The following PTPRJ variants were observed in gnomAD, a reference collection of about 807,000 sequenced individuals.
PTPRJ encodes protein tyrosine phosphatase receptor type J.
In PTPRJ, 129 loss-of-function variants were observed where a neutral mutation model predicts 141.3. The observed-to-expected ratio is 0.91, with a 90% CI of 0.79 to 1.06. The LOEUF is 1.06. Ranked by LOEUF, PTPRJ falls within the 50% of genes least tolerant of loss-of-function variation. The probability of loss-of-function intolerance (pLI) is 0.00; values close to 1 mark genes in which losing one functional copy is unlikely to be tolerated. For missense variants in PTPRJ, 1,601 were observed against 1,679.7 expected (o/e 0.95, Z 0.82); for synonymous variants, 610 against 640.5 (o/e 0.95, Z 0.72).
In PTPRJ at chr11:48,128,051, C is replaced by T. The variant is rs1361853957; in HGVS notation, c.1357+8C>T. 1 of 1,607,336 alleles carries T rather than the reference C, an allele frequency of 6.2e-7. No homozygotes were observed. The highest frequency in any genetic ancestry group is 1.1e-5 in the South Asian group (1 of 90,864). On this transcript the variant is annotated splice_region_variant and intron_variant, in intron 7 of 24. Transcript: ENST00000418331. ...TCCTCCAAGTGCACACCCGTGAGTT[C>T]ATGCCTGGCTCTCACCACCCTTTCC...
intron 1 of PTPRJ, among the ~76,000 whole-genome samples, chr11:47,986,295 T>C (rs1854049367): frequency 6.6e-6 from 1 of 152,206 alleles, no homozygotes; most frequent in African/African-American, 2.4e-5. Flanking sequence ...GTCTTTGCTC[T>C]GCCACTGCAT....
intron 1 of PTPRJ, among the ~76,000 whole-genome samples, chr11:48,019,218 G>A (rs1855038116): frequency 6.6e-6 from 1 of 152,100 alleles, no homozygotes; most frequent in Non-Finnish European, 1.5e-5. Context: ...GCAGGGGCTG[G>A]GCGGGCACTT....
chr11:48,131,072 T>TTG, intron 8 of PTPRJ, among the ~76,000 whole-genome samples: 1 of 55,032 alleles, frequency 1.8e-5, no homozygotes, highest in South Asian at 5.2e-4. Context: ...ATATATATAT[T>TTG]TTTTTTTTTT....
chr11:48,013,060 T>C (rs1288377378), intron 1 of PTPRJ, among the ~76,000 whole-genome samples: 1 of 142,260 alleles, frequency 7.0e-6, no homozygotes, highest in East Asian at 2.1e-4. Flanking sequence ...GCTGAGATTG[T>C]GCCACTGCAC....
chr11:48,121,314 G>A (rs1201695502), intron 4 of PTPRJ, 48 bp downstream of exon 4: 2 of 1,593,412 alleles, frequency 1.3e-6, no homozygotes, highest in East Asian at 4.5e-5. Context: ...TTCTTATTAT[G>A]GTGTATTCTA....
chr11:48,042,455 A>G (rs1854292889), intron 1 of PTPRJ, among the ~76,000 whole-genome samples: 1 of 152,136 alleles, frequency 6.6e-6, no homozygotes, highest in Non-Finnish European at 1.5e-5. Flanking sequence ...TGTGACAGGG[A>G]AAGCATGTCT....
chr11:47,991,928 T>G (rs1003049255), intron 1 of PTPRJ, among the ~76,000 whole-genome samples: 1 of 152,222 alleles, frequency 6.6e-6, no homozygotes, highest in African/African-American at 2.4e-5. Flanking sequence ...TTTATTATCT[T>G]ATTGTGCTGA....
chr11:48,142,979 T>G lies in PTPRJ; in HGVS notation c.2504T>G (p.Val835Gly). 6.2e-7 allele frequency: 1 copy of G among 1,614,112 alleles called. No individual in the cohort carries two copies. Among genetic ancestry groups the G allele is most frequent in the Non-Finnish European group, 8.5e-7 (1 of 1,179,994 alleles). ...TCTGTCAGTCACAATTCAGTAAAGG[T>G]CAAGTTCAGTGGATTTGAAGCCAGC... Reference protein sequence around the residue: ...ITSVSHNSVKVKFSGFEASHG... With the variant: ...ITSVSHNSVKGKFSGFEASHG... Residue 835 changes from valine (V) to glycine (G), a missense_variant, in exon 12 of 25, where the codon GTC becomes GGC. Coordinates refer to ENST00000418331, the MANE Select transcript of PTPRJ (RefSeq NM_002843.4).
At chr11:48,030,285 A>G (rs573080728) in intron 1 of PTPRJ, among the ~76,000 whole-genome samples, 1 of 152,342 alleles carries the variant, frequency 6.6e-6, no homozygotes, top group Non-Finnish European at 1.5e-5. Context: ...ACGGAGGCTT[A>G]AGTGATGTAA....
intron 1 of PTPRJ, among the ~76,000 whole-genome samples, chr11:48,013,090 T>G (rs1590403463): frequency 1.7e-5 from 2 of 116,338 alleles, no homozygotes; most frequent in African/African-American, 3.5e-5. Context: ...GGCAACAGAG[T>G]GAGACTCTGT....
chr11:48,052,647 A>T (rs1854604501), intron 1 of PTPRJ, among the ~76,000 whole-genome samples: 1 of 152,048 alleles, frequency 6.6e-6, no homozygotes, highest in South Asian at 2.1e-4. Flanking sequence ...TCAGTGGGAA[A>T]CCAGATCTCA....
intron 1 of PTPRJ, among the ~76,000 whole-genome samples, chr11:48,068,426 GT>G (rs1565286580): frequency 6.6e-6 from 1 of 152,162 alleles, no homozygotes; most frequent in Non-Finnish European, 1.5e-5. Flanking sequence ...AGAGCTGATG[GT>G]TTTATAAATG....
intron 8 of PTPRJ, among the ~76,000 whole-genome samples, chr11:48,135,591 T>C (rs1418454890): frequency 6.7e-6 from 1 of 150,238 alleles, no homozygotes; most frequent in Non-Finnish European, 1.5e-5. Context: ...AAGCGACTCT[T>C]GTGCCCCAGC....
At chr11:48,159,097 GGT>G (rs386373794) in intron 21 of PTPRJ, among the ~76,000 whole-genome samples, 1 of 139,642 alleles carries the variant, frequency 7.2e-6, no homozygotes, top group African/African-American at 2.7e-5. Flanking sequence ...GTGTATGTGG[GGT>G]GTGTGTGTGT....
At chr11:48,076,481 G>C (rs1379025803) in intron 1 of PTPRJ, among the ~76,000 whole-genome samples, 1 of 152,208 alleles carries the variant, frequency 6.6e-6, no homozygotes, top group Non-Finnish European at 1.5e-5. Flanking sequence ...GGGAGCTCTT[G>C]TGTTCAAAGG....
intron 1 of PTPRJ, among the ~76,000 whole-genome samples, chr11:48,076,116 T>C (rs1590471479): frequency 6.6e-6 from 1 of 152,200 alleles, no homozygotes; most frequent in East Asian, 1.9e-4. Flanking sequence ...GTCTCACCCA[T>C]CTGTTTACCT....
At chr11:47,995,701 C>G (rs965887032) in intron 1 of PTPRJ, among the ~76,000 whole-genome samples, 1 of 152,076 alleles carries the variant, frequency 6.6e-6, no homozygotes, top group Non-Finnish European at 1.5e-5. Context: ...TCATAGAGAT[C>G]GAAGTCATGT....
chr11:47,983,156 C>T (rs1005803404), intron 1 of PTPRJ, among the ~76,000 whole-genome samples: 4 of 152,070 alleles, frequency 2.6e-5, no homozygotes, highest in East Asian at 1.9e-4. Context: ...CCTGGGTCAC[C>T]GGCCTGGGCC....
chr11:48,122,180 A>G (rs1038877138), intron 4 of PTPRJ, among the ~76,000 whole-genome samples: 1 of 152,222 alleles, frequency 6.6e-6, no homozygotes, highest in Non-Finnish European at 1.5e-5. Context: ...TCAGAGCACT[A>G]TTTTAGGGGG....
Sources: allele counts gnomAD v4.1 joint callset (sites outside exome capture counted in the v4.1 genomes callset), GRCh38; gene constraint gnomAD v4.1.1; transcripts MANE v1.5; gene names NCBI Gene and HGNC (gene_info 2026-07-23, HGNC 2026-07-21).